The following JARID2 variants were observed in gnomAD, a reference collection of about 807,000 sequenced individuals.
The protein encoded by JARID2 is protein Jumonji.
JARID2 carries 21 observed loss-of-function variants against 125.6 expected under a neutral mutation model. The observed-to-expected ratio is 0.17, with a 90% confidence interval of 0.12 to 0.24. The LOEUF (loss-of-function observed/expected upper bound fraction) is 0.24, where lower values mean the gene tolerates loss of function less well. JARID2 is among the 10% of genes least tolerant of loss of function. The pLI, the probability that JARID2 is intolerant of heterozygous loss-of-function variation, is 1.00. For synonymous variants in JARID2, 736 were observed against 661.6 expected, an observed-to-expected ratio of 1.11 and a Z score of -1.73; for missense variants, 1,303 against 1,639.6, an observed-to-expected ratio of 0.79 and a Z score of 3.55.
intron 1 of JARID2, among the ~76,000 whole-genome samples, chr6:15,345,424 T>C (rs1763212520): frequency 6.6e-6 from 1 of 152,206 alleles, no homozygotes; most frequent in African/African-American, 2.4e-5. Flanking sequence ...TGTCCTCTAA[T>C]TGAAAATCTG....
chr6:15,488,690 A>G (rs988773163), intron 6 of JARID2, among the ~76,000 whole-genome samples: 3 of 152,202 alleles, frequency 2.0e-5, no homozygotes, highest in Admixed American at 6.5e-5. Context: ...ATAGTCACAC[A>G]TAGGCAGACA....
At chr6:15,443,903 A>G (rs1470211795) in intron 3 of JARID2, among the ~76,000 whole-genome samples, 1 of 152,202 alleles carries the variant, frequency 6.6e-6, no homozygotes, top group Non-Finnish European at 1.5e-5. Flanking sequence ...ACCAAGCAAA[A>G]CATCATAATG....
chr6:15,463,719 A>G (rs1463444142), intron 4 of JARID2, among the ~76,000 whole-genome samples: 1 of 152,086 alleles, frequency 6.6e-6, no homozygotes, highest in Non-Finnish European at 1.5e-5. Flanking sequence ...GGTGTGAGCC[A>G]CCCTGCCCAG....
chr6:15,487,526 A>G lies in JARID2; in HGVS notation c.890A>G (p.Gln297Arg). The G allele has an allele frequency of 1.9e-6, 3 of 1,608,584 alleles. No individual in the cohort carries two copies. The highest frequency in any genetic ancestry group is 1.1e-5 in the South Asian group (1 of 90,856). Residue 297 changes from glutamine to arginine, a missense_variant, in exon 6 of 18, where the codon CAG (glutamine) becomes CGG (arginine). Physicochemically the swap from Gln to Arg is conservative, Grantham distance 43. Transcript: ENST00000341776. ...HHHPPLHRSA[Q>R]DLRKQVSKVN... is the part of the protein sequence containing the mutation. ...CACCCCCCTCTGCATCGGTCGGCTCAGGACTTACGGAAACAGGTAAAGTCC... is the reference window on the plus strand; with the variant it reads ...CACCCCCCTCTGCATCGGTCGGCTCGGGACTTACGGAAACAGGTAAAGTCC...
intron 3 of JARID2, among the ~76,000 whole-genome samples, chr6:15,445,361 T>C (rs1767629555): frequency 6.6e-6 from 1 of 152,248 alleles, no homozygotes; most frequent in South Asian, 2.1e-4. Flanking sequence ...GTGTGTATCT[T>C]GCTGTGCTCC....
intron 1 of JARID2, among the ~76,000 whole-genome samples, chr6:15,327,100 G>A (rs1306213588): frequency 6.6e-6 from 1 of 152,160 alleles, no homozygotes; most frequent in Non-Finnish European, 1.5e-5. Context: ...CACGGCTGAT[G>A]GGTTTTGCTT....
intron 1 of JARID2, among the ~76,000 whole-genome samples, chr6:15,372,082 A>C (rs1340770280): frequency 6.6e-6 from 1 of 152,210 alleles, no homozygotes; most frequent in Non-Finnish European, 1.5e-5. Flanking sequence ...TAGGGCTTAG[A>C]GTCTCTATGA....
chr6:15,311,096 T>C (rs77155394), intron 1 of JARID2, among the ~76,000 whole-genome samples: 106 of 152,306 alleles, frequency 7.0e-4, no homozygotes, highest in African/African-American at 2.4e-3. Context: ...TAATAAGCTG[T>C]TGGTCTCAGA....
chr6:15,325,109 TCAC>T (rs1333088348), intron 1 of JARID2, among the ~76,000 whole-genome samples: 1 of 152,184 alleles, frequency 6.6e-6, no homozygotes, highest in Non-Finnish European at 1.5e-5. Flanking sequence ...CTTAATTTAG[TCAC>T]CACCTTTACT....
At position 15,494,433 on chromosome 6, in the gene JARID2, T is replaced by TTTTTTG. The variant is rs1554144113; in HGVS notation, c.907-1699_907-1698insTTTTTG. Among the ~76,000 whole-genome samples the TTTTTTG allele has an allele frequency of 2.2e-4, 33 of 147,394 alleles. 1 individual carries two copies. Among genetic ancestry groups the TTTTTTG allele is most frequent in the African/African-American group, 8.0e-4 (32 of 40,004 alleles). ...CAAGTCTTTTTTTTTTTTTTTTTTT[T>TTTTTTG]GAGACAAGAGTCTCGCCCAGGCTGG... On this transcript the variant is annotated intron_variant, in intron 6 of 17. Transcript: ENST00000341776.
chr6:15,504,608 C>T lies in JARID2; in HGVS notation c.2541+16C>T, dbSNP rs777850302. On this transcript the variant is annotated intron_variant, in intron 9 of 17. Coordinates refer to ENST00000341776, the MANE Select transcript of JARID2 (RefSeq NM_004973.4). The stretch of plus-strand genomic sequence containing the variant: ...CGAAATCGAGGTGAGAGAAGGGGCC[C>T]CTCACGCTGCCTCTCATGGTGTGGG... 4 of 1,529,200 alleles carry T rather than the reference C, an allele frequency of 2.6e-6. No homozygotes were observed. The Admixed American group carries it at 6.7e-5, about 26-fold the overall frequency. 94.7% of individuals were successfully genotyped at this position (1,529,200 alleles called of 1,614,324 possible).
intron 1 of JARID2, among the ~76,000 whole-genome samples, chr6:15,323,272 T>C (rs1398192216): frequency 6.6e-6 from 1 of 152,268 alleles, no homozygotes; most frequent in Non-Finnish European, 1.5e-5. Context: ...CTGTGTAGGA[T>C]TAGCTGTGTC....
intron 1 of JARID2, among the ~76,000 whole-genome samples, chr6:15,276,964 C>T (rs192360399): frequency 6.6e-6 from 1 of 152,300 alleles, no homozygotes; most frequent in Non-Finnish European, 1.5e-5. Context: ...ACACATTGGA[C>T]AAGGCGAAAG....
rs1241584136 is a variant in JARID2, at chr6:15,410,230, T to A, written c.188T>A (p.Leu63His). 14 of 1,613,686 alleles carry A rather than the reference T, an allele frequency of 8.7e-6. No homozygotes were observed. Among genetic ancestry groups the A allele is most frequent in the Non-Finnish European group, 1.2e-5 (14 of 1,179,778 alleles). The change falls in exon 3 of 18, where the codon CTT becomes CAT. Residue 63 changes from leucine to histidine, a missense_variant. Leu to His is a moderately conservative substitution (Grantham distance 99). Coordinates refer to ENST00000341776, the MANE Select transcript of JARID2 (RefSeq NM_004973.4). ...CCCCTTTTCTCACCTGTAGGGCTCC[T>A]TGGTAATGACCAGTCTAAGGGATTA... ...AGSLKTVNGL[L>H]GNDQSKGLGP...
intron 3 of JARID2, among the ~76,000 whole-genome samples, chr6:15,436,880 G>A (rs1767229265): frequency 2.0e-5 from 3 of 151,884 alleles, no homozygotes; most frequent in Admixed American, 2.0e-4. Context: ...TTCAGTTCAG[G>A]GGAGAATGAG....
chr6:15,406,581 G>A (rs1765660732), intron 2 of JARID2, among the ~76,000 whole-genome samples: 1 of 152,170 alleles, frequency 6.6e-6, no homozygotes, highest in African/African-American at 2.4e-5. Flanking sequence ...TGGAAAACTT[G>A]GAGTTCTTGG....
At chr6:15,320,599 T>C (rs933336339) in intron 1 of JARID2, among the ~76,000 whole-genome samples, 5 of 152,192 alleles carry the variant, frequency 3.3e-5, no homozygotes, top group African/African-American at 9.6e-5. Context: ...ACAATGCAGT[T>C]CTTAAAGAAG....
intron 4 of JARID2, among the ~76,000 whole-genome samples, chr6:15,458,712 G>T (rs1021520897): frequency 6.6e-6 from 1 of 152,208 alleles, no homozygotes; most frequent in East Asian, 1.9e-4. Context: ...GAAGGGAGAG[G>T]CCCTGGGATG....
chr6:15,384,796 C>G (rs927126924), intron 2 of JARID2, among the ~76,000 whole-genome samples: 1 of 152,190 alleles, frequency 6.6e-6, no homozygotes, highest in South Asian at 2.1e-4. Context: ...CTCGAACTGC[C>G]GGGCTTAAGT....
Sources: gnomAD v4.1 joint callset for allele counts (sites outside exome capture counted in the v4.1 genomes callset) on GRCh38, gnomAD v4.1.1 for gene constraint, MANE v1.5 for transcripts, NCBI Gene and HGNC (gene_info 2026-07-23, HGNC 2026-07-21) for gene names.